Variants in VWA3B observed in about 807,000 individuals in gnomAD.
VWA3B encodes von Willebrand factor A domain-containing protein 3B.
Under a neutral mutation model 158.3 loss-of-function variants are expected in VWA3B, and 138 were observed. The observed-to-expected ratio is 0.87, with a 90% CI of 0.76 to 1.00. The LOEUF is 1.00. Among genes scored for constraint, VWA3B ranks in the 50% least tolerant of loss-of-function variants. The pLI, the probability that VWA3B is intolerant of heterozygous loss-of-function variation, is 0.00. For missense variants in VWA3B, 1,555 were observed against 1,565.1 expected (o/e 0.99, Z 0.11); for synonymous variants, 596 against 587.3 (o/e 1.01, Z -0.21).
chr2:98,201,299 A>C (rs1473174150), intron 12 of VWA3B, among the ~76,000 whole-genome samples: 1 of 152,078 alleles, frequency 6.6e-6, no homozygotes, highest in Non-Finnish European at 1.5e-5. Context: ...TTAAATTATA[A>C]ATTTTAATTC....
intron 9 of VWA3B, among the ~76,000 whole-genome samples, 159 bp from the exon 10 acceptor site, chr2:98,187,816 C>G (rs548419531): frequency 6.6e-6 from 1 of 152,038 alleles, no homozygotes; most frequent in East Asian, 1.9e-4. Context: ...CCATAGGAAG[C>G]GGGCAGCGGA....
At chr2:98,232,921 C>G (rs1685433770) in intron 16 of VWA3B, among the ~76,000 whole-genome samples, 1 of 152,046 alleles carries the variant, frequency 6.6e-6, no homozygotes, top group African/African-American at 2.4e-5. Context: ...CTGAGGTGTC[C>G]CCACATTGCT....
At chr2:98,106,465 G>A (rs1430450267) in intron 2 of VWA3B, among the ~76,000 whole-genome samples, 1 of 152,056 alleles carries the variant, frequency 6.6e-6, no homozygotes, top group Non-Finnish European at 1.5e-5. Flanking sequence ...TTAATTAAAG[G>A]AGAATTGACA....
chr2:98,151,770 A>G (rs1336948052), intron 7 of VWA3B, among the ~76,000 whole-genome samples: 1 of 152,238 alleles, frequency 6.6e-6, no homozygotes, highest in Non-Finnish European at 1.5e-5. Flanking sequence ...GAATAATAAC[A>G]TCTACTTTGT....
chr2:98,176,077 C>T (rs950902896), intron 8 of VWA3B, among the ~76,000 whole-genome samples: 1 of 152,192 alleles, frequency 6.6e-6, no homozygotes, highest in African/African-American at 2.4e-5. Flanking sequence ...TTCATCTTAC[C>T]TTCAGAGAAC....
intron 8 of VWA3B, among the ~76,000 whole-genome samples, chr2:98,171,487 C>T (rs909532951): frequency 1.3e-5 from 2 of 152,012 alleles, no homozygotes; most frequent in South Asian, 2.1e-4. Context: ...GAAAGGAGAA[C>T]AGCACTTTAG....
chr2:98,275,063 C>A lies in VWA3B; in HGVS notation c.3045+4180C>A, dbSNP rs1015763799. The stretch of plus-strand genomic sequence containing the variant: ...CCACGTGTTTGTTTATTTTGCAGCA[C>A]ACTTCACTACCTGACATTATGTACA... On this transcript the variant is annotated intron_variant, in intron 22 of 27. Coordinates refer to ENST00000477737, the MANE Select transcript of VWA3B (RefSeq NM_144992.5). Among the ~76,000 whole-genome samples, 32 of 152,202 alleles carry A rather than the reference C, an allele frequency of 2.1e-4. 1 individual carries two copies. The highest frequency in any genetic ancestry group is 2.0e-3 in the Admixed American group (31 of 15,286).
intron 26 of VWA3B, among the ~76,000 whole-genome samples, chr2:98,305,771 C>A (rs975274965): frequency 6.6e-6 from 1 of 152,078 alleles, no homozygotes; most frequent in Non-Finnish European, 1.5e-5. Flanking sequence ...TCCTAACTGG[C>A]CAGGAGTTCT....
intron 12 of VWA3B, among the ~76,000 whole-genome samples, chr2:98,207,959 A>G (rs531939978): frequency 6.6e-6 from 1 of 151,564 alleles, no homozygotes; most frequent in African/African-American, 2.4e-5. Context: ...ATCTATTACA[A>G]CTCTATTATA....
At chr2:98,107,934 A>G (rs1673805618) in intron 2 of VWA3B, among the ~76,000 whole-genome samples, 1 of 150,078 alleles carries the variant, frequency 6.7e-6, no homozygotes, top group Non-Finnish European at 1.5e-5. Flanking sequence ...CTTTTTTCTA[A>G]TTTCTTCAGT....
At chr2:98,294,832 CA>C (rs1689706953) in intron 23 of VWA3B, among the ~76,000 whole-genome samples, 1 of 152,246 alleles carries the variant, frequency 6.6e-6, no homozygotes, top group African/African-American at 2.4e-5. Context: ...CTGCTGGCCA[CA>C]CGACTGCAAT....
intron 20 of VWA3B, among the ~76,000 whole-genome samples, chr2:98,251,700 T>C (rs943199006): frequency 1.3e-5 from 2 of 152,188 alleles, no homozygotes; most frequent in African/African-American, 4.8e-5. Flanking sequence ...CATTTTGCAA[T>C]GTGTCTAGCA....
At chr2:98,107,017 C>T (rs1290760480) in intron 2 of VWA3B, among the ~76,000 whole-genome samples, 3 of 152,092 alleles carry the variant, frequency 2.0e-5, no homozygotes, top group South Asian at 2.1e-4. Flanking sequence ...GTGGAAGGTC[C>T]CTGATATTCC....
At chr2:98,109,592 T>G (rs527452095) in intron 2 of VWA3B, among the ~76,000 whole-genome samples, 2 of 152,340 alleles carry the variant, frequency 1.3e-5, no homozygotes, top group Admixed American at 1.3e-4. Context: ...CCTATAGTTT[T>G]GCTTACTGTG....
chr2:98,213,220 C>T (rs574018544), intron 13 of VWA3B, among the ~76,000 whole-genome samples: 4 of 151,936 alleles, frequency 2.6e-5, no homozygotes, highest in South Asian at 2.1e-4. Context: ...ACAGGGGCAA[C>T]GGAAGAAGAT....
At chr2:98,225,024 C>T (rs565276102) in intron 14 of VWA3B, among the ~76,000 whole-genome samples, 2 of 152,320 alleles carry the variant, frequency 1.3e-5, no homozygotes, top group East Asian at 3.9e-4. Flanking sequence ...ATCTCCACCT[C>T]TATGGTTCAA....
chr2:98,233,002 G>A (rs1464561978), intron 16 of VWA3B, among the ~76,000 whole-genome samples: 2 of 152,180 alleles, frequency 1.3e-5, no homozygotes, highest in Non-Finnish European at 2.9e-5. Context: ...CTGGAGATTG[G>A]CCCTCTTGCT....
chr2:98,260,631 C>T (rs550411557), intron 21 of VWA3B, among the ~76,000 whole-genome samples: 1 of 151,736 alleles, frequency 6.6e-6, no homozygotes, highest in African/African-American at 2.4e-5. Flanking sequence ...AGAACCAATC[C>T]CCCATGGATA....
the VWA3B span, among the ~76,000 whole-genome samples, chr2:98,319,649 A>G: frequency 6.6e-6 from 1 of 152,148 alleles, no homozygotes. Flanking sequence ...GGAGTCTGAG[A>G]TGGGTGGATA....
Sources: allele counts gnomAD v4.1 joint callset (sites outside exome capture counted in the v4.1 genomes callset), GRCh38; gene constraint gnomAD v4.1.1; transcripts MANE v1.5; gene names NCBI Gene and HGNC (gene_info 2026-07-23, HGNC 2026-07-21).